Variants in SUGCT observed in about 807,000 individuals in gnomAD.
SUGCT encodes succinyl-CoA:glutarate CoA-transferase.
SUGCT carries 41 observed loss-of-function variants against 55.0 expected under a neutral mutation model. The ratio of observed to expected loss-of-function variants is 0.74; its 90% CI spans 0.58 to 0.97. The LOEUF is 0.97. SUGCT is among the 50% of genes least tolerant of loss of function. SUGCT has a pLI of 0.00. For missense variants in SUGCT, 568 were observed against 547.8 expected (o/e 1.04, Z -0.37); for synonymous variants, 187 against 200.4 (o/e 0.93, Z 0.56).
chr7:40,365,832 T>TA (rs1783921932), intron 9 of SUGCT, among the ~76,000 whole-genome samples: 1 of 152,128 alleles, frequency 6.6e-6, no homozygotes, highest in Admixed American at 6.5e-5. Flanking sequence ...AAAATGGCCA[T>TA]ACTGCCCAAT....
intron 12 of SUGCT, among the ~76,000 whole-genome samples, chr7:40,691,004 T>C (rs77723727): frequency 0.028 from 4,291 of 152,288 alleles, 216 homozygotes; most frequent in African/African-American, 0.098. Context: ...GGACGAAATA[T>C]ACTTGGGCCT....
intron 12 of SUGCT, among the ~76,000 whole-genome samples, chr7:40,594,543 C>T (rs1438693509): frequency 6.6e-6 from 1 of 152,080 alleles, no homozygotes; most frequent in Non-Finnish European, 1.5e-5. Flanking sequence ...GTTAATTAAC[C>T]TCCCTATGCC....
Position 40,408,635 on chromosome 7 carries a change from C to T in SUGCT, c.817-40652C>T, listed in dbSNP as rs559089582. ...AAAAACTTTTTTTCTTTTCTAATTACAACTTCCATTGAACCCATACTATTA... is the reference window on the plus strand; with the variant it reads ...AAAAACTTTTTTTCTTTTCTAATTATAACTTCCATTGAACCCATACTATTA... On this transcript the variant is annotated intron_variant, in intron 9 of 13. Coordinates refer to ENST00000335693, the MANE Select transcript of SUGCT (RefSeq NM_001193313.2). Among the ~76,000 whole-genome samples the T allele has an allele frequency of 2.0e-5, 3 of 152,218 alleles. No homozygotes were observed. In the East Asian group the frequency reaches 5.8e-4, roughly 29 times the overall value.
intron 13 of SUGCT, among the ~76,000 whole-genome samples, chr7:40,839,812 C>G (rs1257634280): frequency 1.2e-5 from 1 of 84,814 alleles, no homozygotes; most frequent in Non-Finnish European, 2.3e-5. Context: ...ACAGAACATT[C>G]AATAAACATC....
At chr7:40,179,987 G>A (rs565564967) in intron 1 of SUGCT, among the ~76,000 whole-genome samples, 2 of 152,278 alleles carry the variant, frequency 1.3e-5, no homozygotes, top group Non-Finnish European at 2.9e-5. Context: ...CATTGTTTTA[G>A]CTACTTCCCT....
intron 3 of SUGCT, among the ~76,000 whole-genome samples, chr7:40,182,567 A>G (rs1192576493): frequency 6.6e-6 from 1 of 151,876 alleles, no homozygotes; most frequent in Non-Finnish European, 1.5e-5. Flanking sequence ...GTTTCAAAAA[A>G]AAAAAAAAAA....
intron 9 of SUGCT, among the ~76,000 whole-genome samples, chr7:40,412,412 G>T (rs532313832): frequency 6.6e-6 from 1 of 152,140 alleles, no homozygotes; most frequent in African/African-American, 2.4e-5. Flanking sequence ...TCCTGTTATT[G>T]CTAGGAGGAA....
chr7:40,600,933 A>G (rs961654841), intron 12 of SUGCT, among the ~76,000 whole-genome samples: 4 of 152,262 alleles, frequency 2.6e-5, no homozygotes, highest in South Asian at 4.1e-4. Context: ...GTTCAACACT[A>G]TGTTCCAATA....
At chr7:41,032,135 G>T in the SUGCT span, among the ~76,000 whole-genome samples, 1 of 152,116 alleles carries the variant, frequency 6.6e-6, no homozygotes, top group Admixed American at 6.5e-5. Flanking sequence ...AAGGGCTGTA[G>T]AACTAAACCA....
intron 9 of SUGCT, among the ~76,000 whole-genome samples, chr7:40,362,368 A>G (rs570160936): frequency 3.5e-4 from 53 of 152,110 alleles, no homozygotes; most frequent in Non-Finnish European, 6.0e-4. Flanking sequence ...GCAGTGAGCC[A>G]AGATGGCGTC....
At chr7:40,808,640 C>T (rs527435945) in intron 13 of SUGCT, among the ~76,000 whole-genome samples, 76 of 152,350 alleles carry the variant, frequency 5.0e-4, no homozygotes, top group African/African-American at 1.8e-3. Context: ...AAGAACATTC[C>T]TCCAAGGGCC....
the SUGCT span, among the ~76,000 whole-genome samples, chr7:40,889,335 T>A: frequency 6.6e-6 from 1 of 152,168 alleles, no homozygotes; most frequent in Non-Finnish European, 1.5e-5. Context: ...CTAGTGGCAA[T>A]CCTTGAGGGT....
the SUGCT span, among the ~76,000 whole-genome samples, chr7:40,915,275 G>A: frequency 2.0e-5 from 3 of 151,990 alleles, no homozygotes; most frequent in Non-Finnish European, 4.4e-5. Flanking sequence ...ACAGAGCACC[G>A]GTCTTATCAC....
chr7:40,280,861 T>C (rs1172559228), intron 8 of SUGCT, among the ~76,000 whole-genome samples: 2 of 152,166 alleles, frequency 1.3e-5, no homozygotes, highest in Non-Finnish European at 2.9e-5. Flanking sequence ...TTTTGATGAG[T>C]ACCCGTATTG....
At chr7:40,521,219 C>T (rs1012883327) in intron 12 of SUGCT, among the ~76,000 whole-genome samples, 6 of 152,034 alleles carry the variant, frequency 3.9e-5, no homozygotes, top group South Asian at 2.1e-4. Flanking sequence ...GTGCCATCCC[C>T]GTGTGATGCT....
chr7:40,519,041 T>C (rs1159238620), intron 12 of SUGCT, among the ~76,000 whole-genome samples: 2 of 152,084 alleles, frequency 1.3e-5, no homozygotes, highest in African/African-American at 4.8e-5. Context: ...AAGACACCAA[T>C]ATCATGTATT....
chr7:40,710,236 C>G (rs548372070), intron 12 of SUGCT, among the ~76,000 whole-genome samples: 8 of 152,324 alleles, frequency 5.3e-5, no homozygotes, highest in South Asian at 4.1e-4. Flanking sequence ...ACCTCTTTCT[C>G]TCTCATTCTA....
At chr7:40,211,415 A>G (rs377395486) in intron 6 of SUGCT, among the ~76,000 whole-genome samples, 1 of 152,050 alleles carries the variant, frequency 6.6e-6, no homozygotes, top group Admixed American at 6.6e-5. Context: ...GAGTTTCCCT[A>G]TGTTGGCCAG....
At chr7:40,574,633 T>G (rs1796624902) in intron 12 of SUGCT, among the ~76,000 whole-genome samples, 1 of 152,184 alleles carries the variant, frequency 6.6e-6, no homozygotes. Flanking sequence ...GGTTTCACCA[T>G]GTTAGCCAGG....
Sources: allele counts gnomAD v4.1 joint callset (sites outside exome capture counted in the v4.1 genomes callset), GRCh38; gene constraint gnomAD v4.1.1; transcripts MANE v1.5; gene names NCBI Gene and HGNC (gene_info 2026-07-23, HGNC 2026-07-21).